PIK3CB: variants seen among roughly 807,000 people sequenced by gnomAD.
PIK3CB encodes the protein phosphatidylinositol 4,5-bisphosphate 3-kinase catalytic subunit beta isoform.
PIK3CB carries 39 observed loss-of-function variants against 136.8 expected under a neutral mutation model. The observed-to-expected ratio is 0.29, with a 90% CI of 0.22 to 0.37. The LOEUF is 0.37. PIK3CB is among the 10% of genes least tolerant of loss of function. PIK3CB has a pLI of 1.00. For missense variants in PIK3CB, 868 were observed against 1,275.4 expected, an observed-to-expected ratio of 0.68 and a Z score of 4.87; for synonymous variants, 428 against 436.6, an observed-to-expected ratio of 0.98 and a Z score of 0.25.
At chr3:138,789,320 G>A (rs891971677) in intron 2 of PIK3CB, among the ~76,000 whole-genome samples, 3 of 151,990 alleles carry the variant, frequency 2.0e-5, no homozygotes, top group Non-Finnish European at 4.4e-5. Flanking sequence ...TTAGCCAGGT[G>A]TGGTGGTGGG....
chr3:138,801,286 CATA>C (rs2046172710), intron 1 of PIK3CB, among the ~76,000 whole-genome samples: 1 of 152,088 alleles, frequency 6.6e-6, no homozygotes, highest in Non-Finnish European at 1.5e-5. Flanking sequence ...GCAGTTGTAC[CATA>C]GCAATTTGTA....
chr3:138,668,470 C>T (rs2043460158), intron 19 of PIK3CB, among the ~76,000 whole-genome samples: 1 of 152,146 alleles, frequency 6.6e-6, no homozygotes, highest in African/African-American at 2.4e-5. Context: ...CCTAGGTACC[C>T]TCTGCACTCA....
chr3:138,757,693 G>A (rs2045597904), intron 3 of PIK3CB, among the ~76,000 whole-genome samples: 1 of 129,658 alleles, frequency 7.7e-6, no homozygotes, highest in Non-Finnish European at 1.6e-5. Context: ...AGGGAGGGAG[G>A]AAGAGAGGGA....
intron 1 of PIK3CB, among the ~76,000 whole-genome samples, chr3:138,817,838 G>A (rs904270340): frequency 2.0e-5 from 3 of 152,216 alleles, no homozygotes; most frequent in Admixed American, 6.5e-5. Flanking sequence ...TGTGCCTCCC[G>A]AGTCACCAGA....
intron 2 of PIK3CB, among the ~76,000 whole-genome samples, chr3:138,780,960 C>T (rs1228684556): frequency 6.6e-6 from 1 of 152,152 alleles, no homozygotes; most frequent in Non-Finnish European, 1.5e-5. Flanking sequence ...GCTGATGTTA[C>T]AAGCATGACC....
At chr3:138,668,738 G>T (rs1348252541) in intron 19 of PIK3CB, among the ~76,000 whole-genome samples, 1 of 152,088 alleles carries the variant, frequency 6.6e-6, no homozygotes, top group African/African-American at 2.4e-5. Context: ...TTGCTACATT[G>T]ATATATTGCA....
intron 4 of PIK3CB, among the ~76,000 whole-genome samples, chr3:138,751,387 G>A (rs2045469061): frequency 6.6e-6 from 1 of 151,954 alleles, no homozygotes; most frequent in Non-Finnish European, 1.5e-5. Context: ...GAACCCAGGA[G>A]GTGAAGCTTG....
At chr3:138,817,105 G>A (rs1933370504) in intron 1 of PIK3CB, among the ~76,000 whole-genome samples, 4 of 152,160 alleles carry the variant, frequency 2.6e-5, no homozygotes, top group South Asian at 2.1e-4. Context: ...TTGGGAGGCC[G>A]AGGCGGGCGG....
intron 19 of PIK3CB, among the ~76,000 whole-genome samples, chr3:138,676,166 G>T (rs2043638479): frequency 6.6e-6 from 1 of 152,028 alleles, no homozygotes; most frequent in Non-Finnish European, 1.5e-5. Flanking sequence ...GATCTAAATG[G>T]ACATTTCACC....
rs1194965901 is a variant in PIK3CB at position 138,699,092 on chromosome 3, G to A, written c.1585C>T (p.Arg529Ter). 3 of 1,541,030 alleles carry A rather than the reference G, an allele frequency of 1.9e-6. No individual in the cohort carries two copies. Among genetic ancestry groups the A allele is most frequent in the African/African-American group, 1.4e-5 (1 of 73,466 alleles). Residue 529 changes from arginine (R) to a stop codon, truncating the protein, a stop_gained, in exon 13 of 24, where the codon CGA becomes TGA. Coordinates refer to ENST00000674063, the MANE Select transcript of PIK3CB (RefSeq NM_006219.3). LOFTEE classifies it high-confidence loss of function. ...ACAGGAAGAAACTTTTTTCCACCTC[G>A]ACTCTAAAAAAGTAAAATGCTCATT... ...ASSDSANVSS[R>*]GGKKFLPVLK...
chr3:138,780,845 GTTTT>G (rs1039950018), intron 2 of PIK3CB, among the ~76,000 whole-genome samples: 2 of 151,842 alleles, frequency 1.3e-5, no homozygotes, highest in South Asian at 2.1e-4. Context: ...ATTTTGTGGG[GTTTT>G]TTTGTTTTGT....
chr3:138,657,792 G>A lies in PIK3CB; in HGVS notation c.2840C>T (p.Ser947Phe), dbSNP rs774495137. 1 of 1,612,620 alleles carries A rather than the reference G, an allele frequency of 6.2e-7. No individual in the cohort carries two copies. Among genetic ancestry groups the A allele is most frequent in the African/African-American group, 1.3e-5 (1 of 74,864 alleles). Residue 947 changes from serine to phenylalanine, a missense_variant, in exon 22 of 24, where the codon TCT (serine) becomes TTT (phenylalanine). Transcript: ENST00000674063. Reference protein sequence around the residue: ...DFGHILGNFKSKFGIKRERVP... With the variant: ...DFGHILGNFKFKFGIKRERVP... The stretch of plus-strand genomic sequence containing the variant: ...TCGCTCCCTTTTAATGCCAAACTTA[G>A]ATTTGAAATTTCCAAGAATATGTCC...
At chr3:138,681,260 G>T (rs2043775583) in intron 19 of PIK3CB, among the ~76,000 whole-genome samples, 1 of 151,970 alleles carries the variant, frequency 6.6e-6, no homozygotes, top group Non-Finnish European at 1.5e-5. Context: ...GGGCCAGGCT[G>T]GTCTCAAACT....
intron 10 of PIK3CB, among the ~76,000 whole-genome samples, chr3:138,708,143 A>G (rs576765140): frequency 6.6e-6 from 1 of 152,268 alleles, no homozygotes; most frequent in East Asian, 1.9e-4. Context: ...AATGTCCATA[A>G]AGTATGCACA....
chr3:138,734,950 AAATTTT>A, intron 6 of PIK3CB, 146 bp from the exon 7 acceptor site: 1 of 397,812 alleles, frequency 2.5e-6, no homozygotes, highest in Non-Finnish European at 4.2e-6. Context: ...TAAAAAAAAA[AAATTTT>A]TTTTTTTTTT....
At position 138,657,744 on chromosome 3, in the gene PIK3CB, T is replaced by C; in HGVS notation, c.2888A>G (p.Asp963Gly). ...RERVPFILTY[D>G]FIHVIQQGKT... ...TCCTTGTTGAATGACATGGATGAAA[T>C]CATAGGTAAGAATAAAAGGCACTCG... Residue 963 changes from aspartate (D) to glycine (G), a missense_variant, in exon 22 of 24, where the codon GAT becomes GGT. Physicochemically the swap from Asp to Gly is moderately conservative, Grantham distance 94. Coordinates refer to ENST00000674063, the MANE Select transcript of PIK3CB (RefSeq NM_006219.3). 6.2e-7 allele frequency: 1 copy of C among 1,613,334 alleles called. No homozygotes were observed. Among genetic ancestry groups the C allele is most frequent in the Non-Finnish European group, 8.5e-7 (1 of 1,179,570 alleles).
At chr3:138,749,640 T>G (rs2045429034) in intron 4 of PIK3CB, among the ~76,000 whole-genome samples, 1 of 152,148 alleles carries the variant, frequency 6.6e-6, no homozygotes, top group South Asian at 2.1e-4. Context: ...CAATTTCTTT[T>G]CCTTGAATAG....
At chr3:138,688,851 T>C in intron 16 of PIK3CB, 24 bp downstream of exon 16, 1 of 1,476,650 alleles carries the variant, frequency 6.8e-7, no homozygotes, top group Non-Finnish European at 9.4e-7. Context: ...AAAGAAAAAA[T>C]GAATAAATAA....
At chr3:138,678,859 A>G (rs1296583042) in intron 19 of PIK3CB, among the ~76,000 whole-genome samples, 1 of 152,164 alleles carries the variant, frequency 6.6e-6, no homozygotes, top group Non-Finnish European at 1.5e-5. Flanking sequence ...TGAGGCCAGT[A>G]GTTCGAGACC....
Sources: allele counts gnomAD v4.1 joint callset (sites outside exome capture counted in the v4.1 genomes callset), GRCh38; gene constraint gnomAD v4.1.1; transcripts MANE v1.5; gene names NCBI Gene and HGNC (gene_info 2026-07-23, HGNC 2026-07-21).